Variants in AUTS2 observed in about 807,000 individuals in gnomAD.
The protein encoded by AUTS2 is autism susceptibility gene 2 protein.
A neutral mutation model predicts 112.4 loss-of-function variants in AUTS2; 17 were observed. The observed-to-expected ratio is 0.15, with a 90% CI of 0.10 to 0.23. The LOEUF (loss-of-function observed/expected upper bound fraction) is 0.23. Among genes scored for constraint, AUTS2 ranks in the 10% least tolerant of loss-of-function variants. AUTS2 has a pLI of 1.00. For missense variants in AUTS2, 1,510 were observed against 1,701.6 expected, an observed-to-expected ratio of 0.89 and a Z score of 1.98; for synonymous variants, 751 against 702.7, an observed-to-expected ratio of 1.07 and a Z score of -1.09.
At chr7:70,519,222 A>G (rs971062730) in intron 5 of AUTS2, among the ~76,000 whole-genome samples, 2 of 152,018 alleles carry the variant, frequency 1.3e-5, no homozygotes, top group Admixed American at 6.5e-5. Context: ...TTCAAAGGAC[A>G]TGGCCATGGA....
At chr7:70,757,261 C>T (rs1385603081) in intron 6 of AUTS2, among the ~76,000 whole-genome samples, 6 of 152,186 alleles carry the variant, frequency 3.9e-5, no homozygotes, top group Non-Finnish European at 4.4e-5. Flanking sequence ...TTCTAAACTT[C>T]ATTTTCTGAC....
intron 5 of AUTS2, among the ~76,000 whole-genome samples, chr7:70,637,774 C>G (rs1169529616): frequency 6.6e-6 from 1 of 152,136 alleles, no homozygotes; most frequent in Non-Finnish European, 1.5e-5. Flanking sequence ...AAATTTTGTA[C>G]TTTGAGCTTT....
At chr7:70,597,055 A>G (rs1201555127) in intron 5 of AUTS2, among the ~76,000 whole-genome samples, 1 of 152,174 alleles carries the variant, frequency 6.6e-6, no homozygotes, top group Non-Finnish European at 1.5e-5. Flanking sequence ...TGGGGGAGCC[A>G]TGGGGTAGGA....
intron 1 of AUTS2, among the ~76,000 whole-genome samples, chr7:69,863,859 A>G (rs1427676738): frequency 6.6e-6 from 1 of 152,212 alleles, no homozygotes; most frequent in Non-Finnish European, 1.5e-5. Flanking sequence ...CATTAAGGCC[A>G]GCACCCGTTG....
At chr7:70,450,570 T>C (rs540542276) in intron 5 of AUTS2, among the ~76,000 whole-genome samples, 1 of 152,276 alleles carries the variant, frequency 6.6e-6, no homozygotes, top group South Asian at 2.1e-4. Flanking sequence ...TGTAAACATA[T>C]GTTGGTATAC....
chr7:70,084,363 A>G (rs562481039), intron 2 of AUTS2, among the ~76,000 whole-genome samples: 1 of 152,332 alleles, frequency 6.6e-6, no homozygotes, highest in South Asian at 2.1e-4. Flanking sequence ...ATGAACATTT[A>G]TGTAAGAGTA....
chr7:70,497,097 G>C (rs1434267317), intron 5 of AUTS2, among the ~76,000 whole-genome samples: 433 of 30,130 alleles, frequency 0.014, no homozygotes, highest in Middle Eastern at 0.05. Flanking sequence ...TACACAGTCA[G>C]ACACACACAC....
At chr7:69,688,166 T>C (rs1250348237) in intron 1 of AUTS2, among the ~76,000 whole-genome samples, 1 of 152,230 alleles carries the variant, frequency 6.6e-6, no homozygotes, top group African/African-American at 2.4e-5. Context: ...CCAAAAGTTA[T>C]TACCAGTTGA....
chr7:70,030,412 C>T (rs903705525), intron 2 of AUTS2, among the ~76,000 whole-genome samples: 4 of 152,152 alleles, frequency 2.6e-5, no homozygotes, highest in African/African-American at 4.8e-5. Flanking sequence ...TGAATAGACC[C>T]GTGGTAATGA....
intron 6 of AUTS2, among the ~76,000 whole-genome samples, chr7:70,715,284 T>TA (rs1373246664): frequency 6.6e-6 from 1 of 152,228 alleles, no homozygotes; most frequent in Non-Finnish European, 1.5e-5. Context: ...GAGCTTTTCT[T>TA]ACATGGTTTG....
chr7:70,139,514 A>G (rs753245436), intron 4 of AUTS2, among the ~76,000 whole-genome samples: 1 of 152,204 alleles, frequency 6.6e-6, no homozygotes, highest in Non-Finnish European at 1.5e-5. Context: ...TATAAAATAT[A>G]GTAATTTTTA....
intron 1 of AUTS2, among the ~76,000 whole-genome samples, chr7:69,882,150 CAAAAAAAAAAAAAAA>C (rs57238970): frequency 1.8e-5 from 1 of 57,134 alleles, no homozygotes; most frequent in Non-Finnish European, 3.3e-5. Flanking sequence ...AACTCTGTCT[CAAAAAAAAAAAAAAA>C]AAAAAAAAAA....
chr7:70,239,113 G>C (rs1171518728), intron 4 of AUTS2, among the ~76,000 whole-genome samples: 1 of 152,084 alleles, frequency 6.6e-6, no homozygotes, highest in Non-Finnish European at 1.5e-5. Flanking sequence ...CTGGGCTCCT[G>C]ATTTATCCCT....
At chr7:69,889,376 A>G (rs537209547) in intron 1 of AUTS2, among the ~76,000 whole-genome samples, 1 of 152,302 alleles carries the variant, frequency 6.6e-6, no homozygotes, top group South Asian at 2.1e-4. Context: ...TTCTTTTCCT[A>G]TCTTTTGCAT....
At chr7:70,049,128 C>T (rs1274747697) in intron 2 of AUTS2, among the ~76,000 whole-genome samples, 1 of 152,084 alleles carries the variant, frequency 6.6e-6, no homozygotes, top group Non-Finnish European at 1.5e-5. Context: ...GTTAAATAGA[C>T]GACACTCCCA....
In AUTS2 at chr7:69,797,304, C is replaced by G. The variant is rs929074508; in HGVS notation, c.310-101982C>G. Among the ~76,000 whole-genome samples, 15 of 152,102 alleles carry G rather than the reference C, an allele frequency of 9.9e-5. No individual in the cohort carries two copies. The East Asian group carries it at 2.5e-3, about 26-fold the overall frequency. ...GGGACATGTTCCGTTTTCAGCTCCC[C>G]AAGCCATAGAGTTAAGATTCAATAG... is the stretch of plus-strand genomic sequence containing the variant. On this transcript the variant is annotated intron_variant, in intron 1 of 18. Coordinates refer to ENST00000342771, the MANE Select transcript of AUTS2 (RefSeq NM_015570.4).
chr7:70,435,331 G>A (rs1795846115), intron 4 of AUTS2, among the ~76,000 whole-genome samples: 1 of 152,186 alleles, frequency 6.6e-6, no homozygotes, highest in African/African-American at 2.4e-5. Flanking sequence ...CACATTAGCT[G>A]AAGATAGAAT....
At chr7:70,073,081 C>G (rs1802861627) in intron 2 of AUTS2, among the ~76,000 whole-genome samples, 2 of 143,430 alleles carry the variant, frequency 1.4e-5, no homozygotes, top group South Asian at 2.4e-4. Flanking sequence ...CCTCTCCTCC[C>G]CTCCTTTCTC....
At chr7:69,845,679 A>G (rs1202940850) in intron 1 of AUTS2, among the ~76,000 whole-genome samples, 2 of 152,180 alleles carry the variant, frequency 1.3e-5, no homozygotes, top group Non-Finnish European at 2.9e-5. Context: ...GGGAGGGTCC[A>G]GTTCTCTAAA....
Sources: allele counts gnomAD v4.1 joint callset (sites outside exome capture counted in the v4.1 genomes callset), GRCh38; gene constraint gnomAD v4.1.1; transcripts MANE v1.5; gene names NCBI Gene and HGNC (gene_info 2026-07-23, HGNC 2026-07-21).